Variants in GLDC observed in about 807,000 individuals in gnomAD.
The protein encoded by GLDC is glycine dehydrogenase (decarboxylating), mitochondrial.
GLDC carries 104 observed loss-of-function variants against 121.3 expected under a neutral mutation model. That is an observed-to-expected ratio of 0.86 (90% CI 0.73 to 1.01). GLDC has a LOEUF of 1.01. GLDC is among the 50% of genes least tolerant of loss of function. The pLI, the probability that GLDC is intolerant of heterozygous loss-of-function variation, is 0.00. For missense variants in GLDC, 1,429 were observed against 1,306.6 expected (o/e 1.09, Z -1.44); for synonymous variants, 546 against 480.6 (o/e 1.14, Z -1.78).
Position 6,606,599 on chromosome 9 carries a change from G to C in GLDC, c.706C>G (p.Arg236Gly), listed in dbSNP as rs386833585. Residue 236 changes from arginine to glycine, a missense_variant, in exon 5 of 25, where the codon CGA (arginine) becomes GGA (glycine). By Grantham distance (125) the Arg-to-Gly change is moderately radical. Transcript: ENST00000321612. ...HPQTIAVVQT[R>G]AKYTGVLTEL... The stretch of plus-strand genomic sequence containing the variant: ...ACGAATCAAATTAATTACTTGGCTC[G>C]AGTCTGGACAACAGCTATTGTCTGT... 2 of 1,579,838 alleles carry C rather than the reference G, an allele frequency of 1.3e-6. No individual in the cohort carries two copies. Among genetic ancestry groups the C allele is most frequent in the East Asian group, 2.2e-5 (1 of 44,712 alleles).
In GLDC at chr9:6,620,318, A is replaced by C; in HGVS notation, c.336T>G (p.Cys112Trp). ...KRPLKMEDPV[C>W]ENEILATLHA... Reference sequence around the variant, plus strand: ...GCAGAGTTGCAAGGATTTCATTTTCACCTAATTGTGGGAAAAAGAGAAATG... The same window carrying C: ...GCAGAGTTGCAAGGATTTCATTTTCCCCTAATTGTGGGAAAAAGAGAAATG... The change falls in exon 3 of 25, where the codon TGT (cysteine) becomes TGG (tryptophan). Residue 112 changes from cysteine to tryptophan, a missense_variant and splice_region_variant. By Grantham distance (215) the Cys-to-Trp change is radical. Coordinates refer to ENST00000321612, the MANE Select transcript of GLDC (RefSeq NM_000170.3). 1 of 1,613,088 alleles carries C rather than the reference A, an allele frequency of 6.2e-7. No homozygotes were observed. The highest frequency in any genetic ancestry group is 8.5e-7 in the Non-Finnish European group (1 of 1,179,074).
intron 5 of GLDC, chr9:6,605,929 C>A (rs1818721201): frequency 6.2e-6 from 1 of 160,980 alleles, no homozygotes; most frequent in Non-Finnish European, 1.4e-5. Context: ...AAAATCTTAA[C>A]AGTTGTATGT....
Position 6,618,624 on chromosome 9 carries a change from C to A in GLDC, c.470+1560G>T, listed in dbSNP as rs544628180. 1.4e-3 allele frequency among the ~76,000 whole-genome samples: 208 copies of A among 152,182 alleles called. 1 individual carries two copies. Among genetic ancestry groups the A allele is most frequent in the Non-Finnish European group, 2.3e-3 (158 of 67,996 alleles). Reference sequence around the variant, plus strand: ...GCCTGGCCTTTTTGGTTCTTTACATCATACAGCAAACAGCAATGGAAAACA... The same window carrying A: ...GCCTGGCCTTTTTGGTTCTTTACATAATACAGCAAACAGCAATGGAAAACA... On this transcript the variant is annotated intron_variant, in intron 3 of 24. Coordinates refer to ENST00000321612, the MANE Select transcript of GLDC (RefSeq NM_000170.3).
chr9:6,636,390 G>A (rs892319001), intron 2 of GLDC, among the ~76,000 whole-genome samples: 2 of 152,158 alleles, frequency 1.3e-5, no homozygotes, highest in Non-Finnish European at 2.9e-5. Flanking sequence ...TGCTGATAAT[G>A]GGAGACTCTA....
intron 21 of GLDC, among the ~76,000 whole-genome samples, chr9:6,549,411 C>A (rs529817020): frequency 1.3e-5 from 2 of 152,118 alleles, no homozygotes; most frequent in African/African-American, 4.8e-5. Context: ...TGGAGCCACA[C>A]GGCAGCAGGA....
intron 7 of GLDC, among the ~76,000 whole-genome samples, chr9:6,603,788 A>G (rs1486189535): frequency 6.8e-6 from 1 of 146,498 alleles, no homozygotes; most frequent in Non-Finnish European, 1.5e-5. Context: ...GGAGTGAGGC[A>G]GCGCGATCTC....
chr9:6,593,082 C>G (rs1818410250), intron 9 of GLDC, 92 bp from the exon 10 acceptor site: 2 of 1,379,082 alleles, frequency 1.5e-6, no homozygotes, highest in African/African-American at 2.8e-5. Context: ...ATAAATTCTA[C>G]TAGACTCTTG....
intron 21 of GLDC, among the ~76,000 whole-genome samples, chr9:6,546,030 C>A (rs1817381007): frequency 6.6e-6 from 1 of 152,200 alleles, no homozygotes; most frequent in Non-Finnish European, 1.5e-5. Context: ...CATTGTACAG[C>A]TGTACAAAAA....
At chr9:6,616,611 A>G (rs1818971714) in intron 3 of GLDC, among the ~76,000 whole-genome samples, 1 of 152,226 alleles carries the variant, frequency 6.6e-6, no homozygotes, top group African/African-American at 2.4e-5. Flanking sequence ...GTTTGACTCA[A>G]TTAGGTAAAA....
chr9:6,621,590 T>A (rs935347630), intron 2 of GLDC, among the ~76,000 whole-genome samples: 2 of 152,162 alleles, frequency 1.3e-5, no homozygotes, highest in South Asian at 4.1e-4. Context: ...CGATCTTGGC[T>A]CACTGCAACC....
intron 4 of GLDC, among the ~76,000 whole-genome samples, chr9:6,609,979 C>A (rs983304263): frequency 1.3e-5 from 2 of 152,142 alleles, no homozygotes; most frequent in African/African-American, 4.8e-5. Flanking sequence ...CTTCCCCAAC[C>A]CCAACCAAAA....
chr9:6,629,959 T>TATATATATGTATATATATATATA (rs1449751329), intron 2 of GLDC, among the ~76,000 whole-genome samples: 1 of 55,870 alleles, frequency 1.8e-5, no homozygotes, highest in African/African-American at 1.5e-4. Context: ...ATATATATAT[T>TATATATATGTATATATATATATA]TTTTTTTTTT....
At chr9:6,562,923 A>G (rs1587929999) in intron 16 of GLDC, among the ~76,000 whole-genome samples, 1 of 152,092 alleles carries the variant, frequency 6.6e-6, no homozygotes, top group Non-Finnish European at 1.5e-5. Flanking sequence ...TTGTATTTCT[A>G]CCAGCTCAGT....
At chr9:6,622,872 T>C (rs867597147) in intron 2 of GLDC, 2,086 of 205,898 alleles carry the variant, frequency 0.01, 30 homozygotes, top group Middle Eastern at 0.016. Context: ...GTCTGAGATG[T>C]GGGGAGCGCC....
Position 6,588,637 on chromosome 9 carries a change from A to G in GLDC, c.1646T>C (p.Val549Ala). 1 of 1,611,938 alleles carries G rather than the reference A, an allele frequency of 6.2e-7. No homozygotes were observed. Among genetic ancestry groups the G allele is most frequent in the Non-Finnish European group, 8.5e-7 (1 of 1,178,060 alleles). The change falls in exon 13 of 25, where the codon GTT becomes GCT. Residue 549 changes from valine to alanine, a missense_variant. By Grantham distance (64) the Val-to-Ala change is moderately conservative (BLOSUM62 0). Transcript: ENST00000321612. Reference sequence around the variant, plus strand: ...AACTACCAGTGGAATCATGCTGTGAACAAGGGAAATGTCTTTATTTTCCAG... The same window carrying G: ...AACTACCAGTGGAATCATGCTGTGAGCAAGGGAAATGTCTTTATTTTCCAG... Reference protein sequence around the residue: ...KKLENKDISLVHSMIPLGSCT... With the variant: ...KKLENKDISLAHSMIPLGSCT...
intron 15 of GLDC, among the ~76,000 whole-genome samples, chr9:6,580,836 C>T (rs757104523): frequency 1.3e-5 from 2 of 152,200 alleles, no homozygotes; most frequent in East Asian, 3.8e-4. Context: ...AAGGCACTGG[C>T]ATCTCTTCTT....
chr9:6,578,027 G>C (rs1262818540), intron 15 of GLDC, among the ~76,000 whole-genome samples: 1 of 151,514 alleles, frequency 6.6e-6, no homozygotes, highest in African/African-American at 2.4e-5. Flanking sequence ...CAATCCTCTG[G>C]CCTCGGCCTC....
intron 7 of GLDC, 50 bp from the exon 8 acceptor site, chr9:6,602,255 G>A (rs568639355): frequency 3.8e-5 from 41 of 1,069,762 alleles, no homozygotes; most frequent in Non-Finnish European, 5.7e-5. Flanking sequence ...ACAGCACTGG[G>A]AGATGCTATA....
At position 6,619,145 on chromosome 9, in the gene GLDC, G is replaced by GAAA. The variant is rs1563864174; in HGVS notation, c.470+1038_470+1039insTTT. Reference sequence around the variant, plus strand: ...GCAACAGAGTGAGACTCTGTCTCAGGCAAAAAAAAAAAAAAAAAAAAAAAA... The same window carrying GAAA: ...GCAACAGAGTGAGACTCTGTCTCAGGAAACAAAAAAAAAAAAAAAAAAAAAAAA... On this transcript the variant is annotated intron_variant, in intron 3 of 24. Coordinates refer to ENST00000321612, the MANE Select transcript of GLDC (RefSeq NM_000170.3). Among the ~76,000 whole-genome samples the GAAA allele has an allele frequency of 1.1e-3, 32 of 30,202 alleles. 1 individual carries two copies. The highest frequency in any genetic ancestry group is 4.7e-3 in the African/African-American group (31 of 6,580). 19.8% of individuals were successfully genotyped at this position (30,202 alleles called of 152,430 possible).
Sources: gnomAD v4.1 joint callset for allele counts (sites outside exome capture counted in the v4.1 genomes callset) on GRCh38, gnomAD v4.1.1 for gene constraint, MANE v1.5 for transcripts, NCBI Gene and HGNC (gene_info 2026-07-23, HGNC 2026-07-21) for gene names.